CNTNAP5: variants seen among roughly 807,000 people sequenced by gnomAD.
The protein encoded by CNTNAP5 is contactin associated protein family member 5.
CNTNAP5 carries 72 observed loss-of-function variants against 150.2 expected under a neutral mutation model. The ratio of observed to expected loss-of-function variants is 0.48; its 90% CI spans 0.40 to 0.58. The LOEUF (loss-of-function observed/expected upper bound fraction) is 0.58, where lower values mean the gene tolerates loss of function less well. Ranked by LOEUF, CNTNAP5 falls within the 20% of genes least tolerant of loss-of-function variation. The pLI is 0.00. For missense variants in CNTNAP5, 1,636 were observed against 1,626.2 expected (o/e 1.01, Z -0.10); for synonymous variants, 672 against 619.8 (o/e 1.08, Z -1.25).
Position 124,811,975 on chromosome 2 carries a change from T to TA in CNTNAP5, c.3217+13656dup, listed in dbSNP as rs1274658042. On this transcript the variant is annotated intron_variant, in intron 19 of 23. Coordinates refer to ENST00000682447, the MANE Select transcript of CNTNAP5 (RefSeq NM_001367498.1). The stretch of plus-strand genomic sequence containing the variant: ...ATATATATATATATTTTTTATAATA[T>TA]ATATAAAATTTATATTTATATATTA... Among the ~76,000 whole-genome samples the TA allele has an allele frequency of 2.1e-3, 230 of 110,930 alleles. 2 individuals are homozygous for TA. The highest frequency in any genetic ancestry group is 3.4e-3 in the Non-Finnish European group (198 of 57,704). 72.8% of individuals were successfully genotyped at this position (110,930 alleles called of 152,430 possible). A position where few individuals can be genotyped will look rare whatever the true frequency, so the allele number is the denominator to read the frequency against.
chr2:124,103,058 C>T (rs1198606161), intron 1 of CNTNAP5, among the ~76,000 whole-genome samples: 3 of 152,092 alleles, frequency 2.0e-5, no homozygotes, highest in Non-Finnish European at 2.9e-5. Context: ...GAAAATTCCT[C>T]CTGCCTAATG....
intron 3 of CNTNAP5, among the ~76,000 whole-genome samples, chr2:124,252,224 C>T (rs1231787632): frequency 6.6e-6 from 1 of 152,126 alleles, no homozygotes; most frequent in African/African-American, 2.4e-5. Context: ...AGAAGAAGAA[C>T]CAAGCCACAG....
chr2:124,466,852 C>A (rs189575710), intron 6 of CNTNAP5, among the ~76,000 whole-genome samples: 9 of 152,276 alleles, frequency 5.9e-5, no homozygotes, highest in Non-Finnish European at 1.3e-4. Context: ...TCATCCACAT[C>A]TGCCAAATAA....
At chr2:124,271,705 T>TATCTATCTATC (rs1558829038) in intron 3 of CNTNAP5, among the ~76,000 whole-genome samples, 8 of 26,742 alleles carry the variant, frequency 3.0e-4, no homozygotes, top group South Asian at 1.9e-3. Flanking sequence ...ATCTATCATC[T>TATCTATCTATC]ATCTATCTAT....
At chr2:124,116,760 G>C (rs990133357) in intron 1 of CNTNAP5, among the ~76,000 whole-genome samples, 4 of 152,116 alleles carry the variant, frequency 2.6e-5, no homozygotes, top group Non-Finnish European at 5.9e-5. Flanking sequence ...TGCATTAAAG[G>C]AGTGGACATC....
chr2:124,328,563 G>A (rs1033947928), intron 3 of CNTNAP5, among the ~76,000 whole-genome samples: 2 of 152,076 alleles, frequency 1.3e-5, no homozygotes, highest in African/African-American at 4.8e-5. Flanking sequence ...GCTTATAAGC[G>A]TTGTCTTTTA....
intron 13 of CNTNAP5, among the ~76,000 whole-genome samples, chr2:124,736,393 T>C (rs965776183): frequency 2.6e-5 from 4 of 152,238 alleles, no homozygotes; most frequent in Non-Finnish European, 5.9e-5. Context: ...AAAATAATGT[T>C]TAACATTTTC....
chr2:124,647,257 A>G (rs1678222303), intron 12 of CNTNAP5, among the ~76,000 whole-genome samples: 1 of 152,252 alleles, frequency 6.6e-6, no homozygotes, highest in African/African-American at 2.4e-5. Context: ...CATTGCATGC[A>G]GAGTGTGGAT....
At chr2:124,760,990 G>A (rs189494440) in intron 14 of CNTNAP5, among the ~76,000 whole-genome samples, 4 of 152,134 alleles carry the variant, frequency 2.6e-5, no homozygotes, top group East Asian at 3.9e-4. Flanking sequence ...AACTCATGTC[G>A]TCTGATCCCA....
At chr2:124,409,080 G>A (rs374640085) in intron 3 of CNTNAP5, among the ~76,000 whole-genome samples, 45,157 of 130,548 alleles carry the variant, frequency 0.35, 7,739 homozygotes, top group South Asian at 0.45. Context: ...CGAGAACTAC[G>A]TGAAGAATGC....
intron 1 of CNTNAP5, among the ~76,000 whole-genome samples, chr2:124,155,416 A>G (rs1376440064): frequency 6.6e-6 from 1 of 152,094 alleles, no homozygotes; most frequent in Non-Finnish European, 1.5e-5. Context: ...GGAAATATAC[A>G]GGGCAGCAAA....
chr2:124,841,851 C>CAAGGCATT (rs1369770390), intron 19 of CNTNAP5, among the ~76,000 whole-genome samples: 1 of 152,076 alleles, frequency 6.6e-6, no homozygotes. Context: ...AGAAGTGTCA[C>CAAGGCATT]TGTCAGTGGC....
chr2:124,345,831 C>T (rs1304561490), intron 3 of CNTNAP5, among the ~76,000 whole-genome samples: 1 of 152,130 alleles, frequency 6.6e-6, no homozygotes, highest in Non-Finnish European at 1.5e-5. Flanking sequence ...CTTTCCCTCC[C>T]TCTTGCTTAC....
chr2:124,336,186 C>G lies in CNTNAP5; in HGVS notation c.382-81257C>G, dbSNP rs1275779951. Among the ~76,000 whole-genome samples the G allele has an allele frequency of 2.0e-5, 3 of 151,804 alleles. No homozygotes were observed. In the East Asian group the frequency reaches 5.8e-4, roughly 29 times the overall value. On this transcript the variant is annotated intron_variant, in intron 3 of 23. Coordinates refer to ENST00000682447, the MANE Select transcript of CNTNAP5 (RefSeq NM_001367498.1). ...CCATAGTACAGATAATAGCTTGGAC[C>G]AAGGAAGGTGAGGTACAGAACTCTG...
At chr2:124,711,001 G>A (rs978876770) in intron 13 of CNTNAP5, among the ~76,000 whole-genome samples, 9 of 152,026 alleles carry the variant, frequency 5.9e-5, no homozygotes, top group Non-Finnish European at 4.4e-5. Flanking sequence ...AGCTGGGCAC[G>A]GTGGCTCACG....
intron 13 of CNTNAP5, among the ~76,000 whole-genome samples, chr2:124,648,368 G>T (rs976508418): frequency 6.6e-6 from 1 of 152,058 alleles, no homozygotes. Context: ...CACCCGAGAG[G>T]GATGAGTTAT....
At chr2:124,582,295 T>C (rs1212325738) in intron 11 of CNTNAP5, among the ~76,000 whole-genome samples, 1 of 152,166 alleles carries the variant, frequency 6.6e-6, no homozygotes, top group African/African-American at 2.4e-5. Flanking sequence ...TGGCAGTAGT[T>C]GTTGCTCACC....
At chr2:124,071,222 T>C (rs191227147) in intron 1 of CNTNAP5, among the ~76,000 whole-genome samples, 1 of 151,726 alleles carries the variant, frequency 6.6e-6, no homozygotes, top group East Asian at 1.9e-4. Context: ...AAGAGGGAAG[T>C]TTATAGCTAT....
At chr2:124,837,512 A>G (rs1682855981) in intron 19 of CNTNAP5, among the ~76,000 whole-genome samples, 1 of 152,118 alleles carries the variant, frequency 6.6e-6, no homozygotes, top group Non-Finnish European at 1.5e-5. Context: ...ATGTATGTAG[A>G]TCAGATGGCC....
Sources: allele counts gnomAD v4.1 joint callset (sites outside exome capture counted in the v4.1 genomes callset), GRCh38; gene constraint gnomAD v4.1.1; transcripts MANE v1.5; gene names NCBI Gene and HGNC (gene_info 2026-07-23, HGNC 2026-07-21).